Variants in OTUD7A observed in about 807,000 individuals in gnomAD.
OTUD7A encodes OTU deubiquitinase 7A.
Under a neutral mutation model 65.7 loss-of-function variants are expected in OTUD7A, and 12 were observed. The observed-to-expected ratio is 0.18, with a 90% CI of 0.12 to 0.30. OTUD7A has a LOEUF of 0.30. Among genes scored for constraint, OTUD7A ranks in the 10% least tolerant of loss-of-function variants. OTUD7A has a pLI of 1.00. For missense variants in OTUD7A, 1,148 were observed against 1,304.8 expected (o/e 0.88, Z 1.85); for synonymous variants, 641 against 586.3 (o/e 1.09, Z -1.35).
intron 1 of OTUD7A, among the ~76,000 whole-genome samples, chr15:31,790,280 G>GC (rs11447593): frequency 0.24 from 36,414 of 152,074 alleles, 4,474 homozygotes; most frequent in Admixed American, 0.29. Context: ...GGCTGGGGAG[G>GC]CCCCAAGAGC....
intron 1 of OTUD7A, among the ~76,000 whole-genome samples, chr15:31,677,572 G>A (rs1892621773): frequency 6.6e-6 from 1 of 151,990 alleles, no homozygotes; most frequent in Non-Finnish European, 1.5e-5. Context: ...GAGATCTGAT[G>A]GTTTTTATAA....
chr15:31,843,473 G>A (rs1189894168), intron 1 of OTUD7A, among the ~76,000 whole-genome samples: 1 of 151,810 alleles, frequency 6.6e-6, no homozygotes, highest in Non-Finnish European at 1.5e-5. Context: ...CTTTAAAAAT[G>A]TATCATTTTG....
intron 1 of OTUD7A, among the ~76,000 whole-genome samples, chr15:31,663,859 G>A (rs1299223597): frequency 3.3e-5 from 5 of 151,912 alleles, no homozygotes; most frequent in Non-Finnish European, 7.4e-5. Context: ...AAAGTCCATT[G>A]TATCATTCTT....
intron 3 of OTUD7A, among the ~76,000 whole-genome samples, chr15:31,596,443 A>G (rs988717217): frequency 6.6e-6 from 1 of 152,250 alleles, no homozygotes; most frequent in Non-Finnish European, 1.5e-5. Flanking sequence ...AGCTGCTACG[A>G]ACATTCCAGT....
At chr15:31,841,187 C>T (rs1897173741) in intron 1 of OTUD7A, among the ~76,000 whole-genome samples, 1 of 152,150 alleles carries the variant, frequency 6.6e-6, no homozygotes, top group Non-Finnish European at 1.5e-5. Context: ...AGGCTAAGCT[C>T]CAGCCCCTTT....
chr15:31,736,102 C>T lies in OTUD7A; in HGVS notation c.-99-79025G>A, dbSNP rs573359785. On this transcript the variant is annotated intron_variant, in intron 1 of 12. Transcript: ENST00000307050. ...GGAGGGAGAGGATCAGGAAAAATAACTAATGGGTACTAGGCTTAATACCTG... is the reference window on the plus strand; with the variant it reads ...GGAGGGAGAGGATCAGGAAAAATAATTAATGGGTACTAGGCTTAATACCTG... 3.3e-5 allele frequency among the ~76,000 whole-genome samples: 5 copies of T among 152,154 alleles called. No homozygotes were observed. In the South Asian group the frequency reaches 1.0e-3, roughly 32 times the overall value.
intron 1 of OTUD7A, among the ~76,000 whole-genome samples, chr15:31,734,646 G>C (rs1423412064): frequency 6.6e-6 from 1 of 151,892 alleles, no homozygotes; most frequent in Non-Finnish European, 1.5e-5. Context: ...CAAAAACAAG[G>C]AACGTGTAAA....
Position 31,564,261 on chromosome 15 carries a change from T to C in OTUD7A, c.332-5074A>G, listed in dbSNP as rs182489532. On this transcript the variant is annotated intron_variant, in intron 4 of 12. Transcript: ENST00000307050. ...GTTGGAAGGTGTTCAAAGAAAATAA[T>C]TTCAATCTAGAGTTTTTAATCTACT... 2.9e-3 allele frequency among the ~76,000 whole-genome samples: 443 copies of C among 152,244 alleles called. 4 individuals are homozygous for C. Among genetic ancestry groups the C allele is most frequent in the African/African-American group, 0.01 (421 of 41,546 alleles).
chr15:31,484,227 C>A lies in OTUD7A; in HGVS notation c.1869G>T (p.Thr623=). The A allele has an allele frequency of 6.2e-7, 1 of 1,605,538 alleles. No homozygotes were observed. ...GGATGTTGAGGCTCAGCTTCACATC[C>A]GTGCTGTACTTCCAGGCGTCGCCCC... ...GPRGDAWKYS[T]DVKLSLNILR... is the part of the protein sequence containing the mutation. Residue 623 remains threonine, a synonymous_variant, in exon 13 of 13, where the codon ACG becomes ACT. Transcript: ENST00000307050. This position sits in a 1 kb window ranked among gnomAD's most constrained non-coding sequence, Gnocchi z 4.5.
At chr15:31,825,197 T>C (rs1896769206) in intron 1 of OTUD7A, among the ~76,000 whole-genome samples, 1 of 152,240 alleles carries the variant, frequency 6.6e-6, no homozygotes, top group Non-Finnish European at 1.5e-5. Flanking sequence ...ATGCTTACTT[T>C]ATTAGTCCAT....
chr15:31,616,405 A>G (rs369982118), intron 3 of OTUD7A, among the ~76,000 whole-genome samples: 1 of 152,174 alleles, frequency 6.6e-6, no homozygotes, highest in South Asian at 2.1e-4. Flanking sequence ...GAAATGTATA[A>G]CCATTTATAT....
At chr15:31,722,711 G>C (rs1448352829) in intron 1 of OTUD7A, among the ~76,000 whole-genome samples, 1 of 152,252 alleles carries the variant, frequency 6.6e-6, no homozygotes, top group African/African-American at 2.4e-5. Context: ...AATGAGCCAG[G>C]CTGGGCTGCA....
chr15:31,516,985 G>A (rs575314318), intron 8 of OTUD7A, among the ~76,000 whole-genome samples: 5 of 152,224 alleles, frequency 3.3e-5, no homozygotes, highest in African/African-American at 4.8e-5. Flanking sequence ...TTCACCAGAC[G>A]CCAAGGAGAA....
intron 1 of OTUD7A, among the ~76,000 whole-genome samples, chr15:31,860,421 A>G (rs2141014932): frequency 6.6e-6 from 1 of 151,958 alleles, no homozygotes; most frequent in Admixed American, 6.5e-5. Context: ...TTTAATTCCC[A>G]TAGAGCTATT....
intron 3 of OTUD7A, among the ~76,000 whole-genome samples, chr15:31,587,478 A>C (rs1889579946): frequency 6.6e-6 from 1 of 151,896 alleles, no homozygotes; most frequent in South Asian, 2.1e-4. Context: ...TCTACTAAAA[A>C]AAAAATACAA....
intron 3 of OTUD7A, among the ~76,000 whole-genome samples, chr15:31,582,987 A>G (rs909204370): frequency 6.6e-6 from 1 of 152,216 alleles, no homozygotes; most frequent in Non-Finnish European, 1.5e-5. Context: ...AGTTGCATGT[A>G]CATATGATTT....
chr15:31,694,010 G>C, intron 1 of OTUD7A, among the ~76,000 whole-genome samples: 1 of 152,204 alleles, frequency 6.6e-6, no homozygotes. Flanking sequence ...ACAAGGCACT[G>C]AGAAGGGCTC....
At chr15:31,501,567 G>A (rs2041465295) in intron 10 of OTUD7A, 123 bp downstream of exon 10, 1 of 1,248,048 alleles carries the variant, frequency 8.0e-7, no homozygotes, top group Admixed American at 2.0e-5. Flanking sequence ...ACTGCTGAGT[G>A]TGCACAGGTG....
chr15:31,805,343 C>T (rs528995988), intron 1 of OTUD7A, among the ~76,000 whole-genome samples: 8 of 152,338 alleles, frequency 5.3e-5, no homozygotes, highest in Non-Finnish European at 8.8e-5. Context: ...CCTGTAGATG[C>T]ACCTTGGCAA....
Sources: gnomAD v4.1 joint callset for allele counts (sites outside exome capture counted in the v4.1 genomes callset) on GRCh38, gnomAD v4.1.1 for gene constraint, Gnocchi (gnomAD v3.1) non-coding constraint, MANE v1.5 for transcripts, NCBI Gene and HGNC (gene_info 2026-07-23, HGNC 2026-07-21) for gene names.